AGMO: variants seen among roughly 807,000 people sequenced by gnomAD.
The protein encoded by AGMO is alkylglycerol monooxygenase.
In AGMO, 75 loss-of-function variants were observed where a neutral mutation model predicts 60.2. The ratio of observed to expected loss-of-function variants is 1.25; its 90% confidence interval spans 1.03 to 1.51. The LOEUF (loss-of-function observed/expected upper bound fraction) is 1.51. Ranked by LOEUF, AGMO falls within the 40% of genes most tolerant of loss-of-function variation. The pLI is 0.00. For missense variants in AGMO, 763 were observed against 525.5 expected (o/e 1.45, Z -4.42); for synonymous variants, 261 against 177.1 (o/e 1.47, Z -3.76).
chr7:15,296,920 C>G (rs982997057), intron 12 of AGMO, among the ~76,000 whole-genome samples: 10 of 152,058 alleles, frequency 6.6e-5, no homozygotes, highest in African/African-American at 9.7e-5. Context: ...CATAACCTTC[C>G]TAGGATCCTT....
intron 5 of AGMO, among the ~76,000 whole-genome samples, chr7:15,415,551 A>G (rs1312071602): frequency 1.3e-5 from 2 of 152,048 alleles, no homozygotes; most frequent in East Asian, 3.9e-4. Context: ...AAGAAAAAAA[A>G]ATATCATTGA....
chr7:15,368,165 T>C (rs190448727), intron 10 of AGMO, among the ~76,000 whole-genome samples: 6 of 151,840 alleles, frequency 4.0e-5, no homozygotes, highest in South Asian at 2.1e-4. Context: ...TGATAGGTAT[T>C]AGATACAGGA....
At chr7:15,537,778 G>C (rs372755664) in intron 3 of AGMO, among the ~76,000 whole-genome samples, 1 of 151,884 alleles carries the variant, frequency 6.6e-6, no homozygotes, top group East Asian at 1.9e-4. Flanking sequence ...TGGAATCTCA[G>C]AACACCAAAG....
chr7:15,227,441 C>T (rs1033904641), intron 12 of AGMO, among the ~76,000 whole-genome samples: 7 of 150,172 alleles, frequency 4.7e-5, no homozygotes, highest in Admixed American at 2.0e-4. Flanking sequence ...ACAATGACAA[C>T]AACAACAACA....
At chr7:15,342,172 T>TATAAAAAAAAAAAA (rs1781874627) in intron 12 of AGMO, among the ~76,000 whole-genome samples, 1 of 54,304 alleles carries the variant, frequency 1.8e-5, no homozygotes, top group South Asian at 9.9e-4. Flanking sequence ...CCCACAGAGT[T>TATAAAAAAAAAAAA]AAAAAAAAAA....
the AGMO span, among the ~76,000 whole-genome samples, chr7:15,170,217 A>G: frequency 6.6e-6 from 1 of 152,216 alleles, no homozygotes; most frequent in East Asian, 1.9e-4. Flanking sequence ...AGACGTTCCC[A>G]GAGCTCTGAC....
intron 12 of AGMO, among the ~76,000 whole-genome samples, chr7:15,263,663 C>G (rs1232902547): frequency 2.0e-5 from 3 of 151,968 alleles, no homozygotes; most frequent in African/African-American, 7.2e-5. Context: ...AAATATGGAA[C>G]CAGCACAAAT....
intron 12 of AGMO, among the ~76,000 whole-genome samples, chr7:15,277,315 A>T (rs956111375): frequency 4.2e-5 from 3 of 70,706 alleles, no homozygotes; most frequent in South Asian, 4.3e-4. Context: ...AAAAAATAAT[A>T]AATAAATAAA....
In AGMO at chr7:15,376,259, A is replaced by G. The variant is rs569454313; in HGVS notation, c.1074+9187T>C. ...AGGAAATGAAATCCCAAGGGGATAG[A>G]CTAGAGAAAAACAGTATACCCTGGA... On this transcript the variant is annotated intron_variant, in intron 10 of 12. Coordinates refer to ENST00000342526, the MANE Select transcript of AGMO (RefSeq NM_001004320.2). 2.0e-5 allele frequency among the ~76,000 whole-genome samples: 3 copies of G among 152,166 alleles called. No homozygotes were observed. The South Asian group carries it at 6.2e-4, about 32-fold the overall frequency.
intron 3 of AGMO, among the ~76,000 whole-genome samples, chr7:15,435,429 G>T (rs1486311109): frequency 6.6e-6 from 1 of 151,878 alleles, no homozygotes; most frequent in African/African-American, 2.4e-5. Flanking sequence ...ATTATAATAG[G>T]TATGCAGTGG....
intron 12 of AGMO, among the ~76,000 whole-genome samples, chr7:15,351,754 TTC>T (rs1782250824): frequency 6.6e-6 from 1 of 152,198 alleles, no homozygotes; most frequent in Non-Finnish European, 1.5e-5. Context: ...TCAAATGCAA[TTC>T]TTTTTAAAAA....
At chr7:15,476,873 G>C (rs1402112813) in intron 3 of AGMO, among the ~76,000 whole-genome samples, 4 of 152,064 alleles carry the variant, frequency 2.6e-5, no homozygotes. Flanking sequence ...TGAGGAAATG[G>C]AGAAACAGAG....
intron 3 of AGMO, among the ~76,000 whole-genome samples, chr7:15,520,768 C>G (rs975898669): frequency 6.6e-6 from 1 of 152,082 alleles, no homozygotes; most frequent in African/African-American, 2.4e-5. Flanking sequence ...AAATCAACAT[C>G]TTAACACTAC....
chr7:15,393,763 C>A lies in AGMO; in HGVS notation c.676+350G>T, dbSNP rs547853813. ...CTCTCTGACTATAGATAGGAATGACCTTCAGCACTGGGTCAAGAAGTAGCC... is the reference window on the plus strand; with the variant it reads ...CTCTCTGACTATAGATAGGAATGACATTCAGCACTGGGTCAAGAAGTAGCC... On this transcript the variant is annotated intron_variant, in intron 6 of 12. Coordinates refer to ENST00000342526, the MANE Select transcript of AGMO (RefSeq NM_001004320.2). Among the ~76,000 whole-genome samples, 33 of 152,270 alleles carry A rather than the reference C, an allele frequency of 2.2e-4. 1 individual carries two copies. The South Asian group carries it at 6.6e-3, about 31-fold the overall frequency.
At chr7:15,123,546 C>T in the AGMO span, among the ~76,000 whole-genome samples, 1 of 152,014 alleles carries the variant, frequency 6.6e-6, no homozygotes, top group Non-Finnish European at 1.5e-5. Context: ...TTACAATGCT[C>T]TCTAACATGT....
At position 15,560,272 on chromosome 7, in the gene AGMO, C is replaced by A; in HGVS notation, c.127-1G>T. 6.2e-7 allele frequency: 1 copy of A among 1,610,502 alleles called. No homozygotes were observed. The highest frequency in any genetic ancestry group is 8.5e-7 in the Non-Finnish European group (1 of 1,177,780). ...TCAAAGAAATGAAAAATGGAGTTGC[C>A]TGGAAAGGAAGTTGCAGAAAAGAGA... On this transcript the variant is annotated splice_acceptor_variant, in intron 1 of 12. Coordinates refer to ENST00000342526, the MANE Select transcript of AGMO (RefSeq NM_001004320.2). LOFTEE classifies it high-confidence loss of function.
chr7:15,548,192 T>C (rs898825911), intron 2 of AGMO, among the ~76,000 whole-genome samples: 2 of 152,012 alleles, frequency 1.3e-5, no homozygotes, highest in African/African-American at 4.8e-5. Context: ...AGACCAAAAG[T>C]AGATAAAACT....
chr7:15,435,719 T>C (rs774042672), intron 3 of AGMO, among the ~76,000 whole-genome samples: 7 of 152,182 alleles, frequency 4.6e-5, no homozygotes, highest in Non-Finnish European at 7.4e-5. Flanking sequence ...TGAAATCCAG[T>C]TTATATTCTT....
intron 12 of AGMO, among the ~76,000 whole-genome samples, chr7:15,252,051 C>T (rs1291295388): frequency 6.6e-6 from 1 of 152,176 alleles, no homozygotes; most frequent in East Asian, 1.9e-4. Context: ...CAGTTGACAC[C>T]ATCTTTAGGT....
Sources: gnomAD v4.1 joint callset for allele counts (sites outside exome capture counted in the v4.1 genomes callset) on GRCh38, gnomAD v4.1.1 for gene constraint, MANE v1.5 for transcripts, NCBI Gene and HGNC (gene_info 2026-07-23, HGNC 2026-07-21) for gene names.